Variants in DLGAP1 observed in about 807,000 individuals in gnomAD.
DLGAP1 encodes the protein DLG associated protein 1, also known as disks large-associated protein 1.
A neutral mutation model predicts 90.8 loss-of-function variants in DLGAP1; 11 were observed. That is an observed-to-expected ratio of 0.12 (90% CI 0.08 to 0.20). DLGAP1 has a LOEUF of 0.20. Among genes scored for constraint, DLGAP1 ranks in the 10% least tolerant of loss-of-function variants. The pLI is 1.00. For synonymous variants in DLGAP1, 558 were observed against 540.7 expected (o/e 1.03, Z -0.44); for missense variants, 1,050 against 1,333.8 (o/e 0.79, Z 3.31).
At chr18:3,761,687 T>G (rs1287274127) in intron 5 of DLGAP1, among the ~76,000 whole-genome samples, 1 of 152,130 alleles carries the variant, frequency 6.6e-6, no homozygotes, top group African/African-American at 2.4e-5. Context: ...GCTATTCTCC[T>G]GCTTCAGCCT....
At position 3,780,648 on chromosome 18, in the gene DLGAP1, A is replaced by G. The variant is rs549161154; in HGVS notation, c.1172+33411T>C. On this transcript the variant is annotated intron_variant, in intron 5 of 12. Transcript: ENST00000315677. ...TCAGTTGTTTAGTAACCTTAATTCC[A>G]ACTGGAATCTTAATTCTTCCTTGCC... 4.6e-5 allele frequency among the ~76,000 whole-genome samples: 7 copies of G among 152,260 alleles called. No individual in the cohort carries two copies. The South Asian group carries it at 1.0e-3, about 23-fold the overall frequency.
chr18:4,379,017 G>A (rs2082068682), intron 1 of DLGAP1, among the ~76,000 whole-genome samples: 2 of 152,104 alleles, frequency 1.3e-5, no homozygotes, highest in African/African-American at 4.8e-5. Flanking sequence ...AGGACCAAGG[G>A]TTGATCCTTT....
At chr18:3,503,259 T>C (rs916783161) in intron 11 of DLGAP1, among the ~76,000 whole-genome samples, 1 of 152,208 alleles carries the variant, frequency 6.6e-6, no homozygotes, top group East Asian at 1.9e-4. Flanking sequence ...ATTCATTCAT[T>C]TTAAATTGAC....
chr18:4,389,920 C>T (rs1426905617), intron 1 of DLGAP1, among the ~76,000 whole-genome samples: 1 of 152,124 alleles, frequency 6.6e-6, no homozygotes, highest in Non-Finnish European at 1.5e-5. Context: ...ATCTAGATGT[C>T]TATTTCCTTC....
intron 9 of DLGAP1, among the ~76,000 whole-genome samples, chr18:3,558,542 G>C (rs895142719): frequency 6.6e-6 from 1 of 152,078 alleles, no homozygotes. Context: ...TAGAATTCAT[G>C]TATTTTGAAA....
At chr18:4,255,194 T>A (rs2078864020) in intron 1 of DLGAP1, among the ~76,000 whole-genome samples, 1 of 152,192 alleles carries the variant, frequency 6.6e-6, no homozygotes, top group African/African-American at 2.4e-5. Context: ...TCCTTTAGAT[T>A]GCCTTCTGCC....
intron 11 of DLGAP1, among the ~76,000 whole-genome samples, chr18:3,504,588 G>C (rs955402020): frequency 1.7e-4 from 26 of 151,986 alleles, no homozygotes; most frequent in Non-Finnish European, 3.7e-4. Context: ...GTCTCACATT[G>C]TTGCTCAGGC....
At chr18:3,766,471 T>C (rs986068603) in intron 5 of DLGAP1, among the ~76,000 whole-genome samples, 2 of 151,870 alleles carry the variant, frequency 1.3e-5, no homozygotes, top group Non-Finnish European at 2.9e-5. Context: ...CATAAACCAA[T>C]AGACTCAAAC....
At chr18:3,895,587 G>A (rs1169202397) in intron 3 of DLGAP1, among the ~76,000 whole-genome samples, 2 of 152,180 alleles carry the variant, frequency 1.3e-5, no homozygotes, top group African/African-American at 2.4e-5. Context: ...TTTCCTGCTC[G>A]GTAAACAAGA....
rs543980647 is a variant in DLGAP1 at position 3,728,524 on chromosome 18, C to A, written c.1591+611G>T. Among the ~76,000 whole-genome samples, 23 of 152,076 alleles carry A rather than the reference C, an allele frequency of 1.5e-4. No homozygotes were observed. In the South Asian group the frequency reaches 4.8e-3, roughly 32 times the overall value. On this transcript the variant is annotated intron_variant, in intron 7 of 12. Transcript: ENST00000315677. ...GTTTAACCACACACACACTTAAATA[C>A]AGTTTAGTGGGAAAAGGAGGTGCTA...
chr18:4,391,145 T>G (rs752714438), intron 1 of DLGAP1, among the ~76,000 whole-genome samples: 1 of 152,328 alleles, frequency 6.6e-6, no homozygotes, highest in East Asian at 1.9e-4. Flanking sequence ...AACAGACATA[T>G]ATATTTCCCA....
intron 2 of DLGAP1, among the ~76,000 whole-genome samples, chr18:4,056,011 C>T (rs549406824): frequency 1.2e-4 from 18 of 151,972 alleles, no homozygotes; most frequent in East Asian, 5.8e-4. Context: ...TGTATATATG[C>T]GGGGAAGGGG....
intron 3 of DLGAP1, among the ~76,000 whole-genome samples, chr18:3,984,984 A>G (rs149858445): frequency 7.4e-4 from 113 of 152,032 alleles, no homozygotes; most frequent in African/African-American, 2.7e-3. Flanking sequence ...GCTATGTCTT[A>G]TTTCCACCCT....
At chr18:3,544,038 T>A (rs998027391) in intron 9 of DLGAP1, among the ~76,000 whole-genome samples, 1 of 152,180 alleles carries the variant, frequency 6.6e-6, no homozygotes, top group Non-Finnish European at 1.5e-5. Flanking sequence ...GAGTGCTGTA[T>A]GTGGCAAAAA....
At chr18:4,194,809 A>G (rs1181223510) in intron 1 of DLGAP1, among the ~76,000 whole-genome samples, 1 of 152,214 alleles carries the variant, frequency 6.6e-6, no homozygotes, top group African/African-American at 2.4e-5. Flanking sequence ...GTAACAAATC[A>G]TAACTGTATA....
chr18:3,699,102 C>T lies in DLGAP1; in HGVS notation c.1591+30033G>A, dbSNP rs534191060. ...TGGGTTAGAACACGCTCCTTTTGCT[C>T]GGAGGAGTTTGTTATTACCCAACTT... On this transcript the variant is annotated intron_variant, in intron 7 of 12. Transcript: ENST00000315677. Among the ~76,000 whole-genome samples, 43 of 152,114 alleles carry T rather than the reference C, an allele frequency of 2.8e-4. No individual in the cohort carries two copies. In the Middle Eastern group the frequency reaches 0.014, roughly 48 times the overall value.
At chr18:4,250,703 A>G (rs2078761177) in intron 1 of DLGAP1, among the ~76,000 whole-genome samples, 1 of 152,194 alleles carries the variant, frequency 6.6e-6, no homozygotes, top group East Asian at 1.9e-4. Context: ...TCTATGCATT[A>G]ACTTTCCACT....
At chr18:3,746,293 T>C (rs532888247) in intron 5 of DLGAP1, among the ~76,000 whole-genome samples, 1 of 152,100 alleles carries the variant, frequency 6.6e-6, no homozygotes, top group Admixed American at 6.5e-5. Flanking sequence ...TCAATTTCTA[T>C]ACTTAAACAA....
At chr18:3,661,863 T>A (rs2059695978) in intron 7 of DLGAP1, among the ~76,000 whole-genome samples, 1 of 151,910 alleles carries the variant, frequency 6.6e-6, no homozygotes, top group Non-Finnish European at 1.5e-5. Context: ...ATTACAGGAG[T>A]TAGCCACTGC....
Sources: allele counts gnomAD v4.1 joint callset (sites outside exome capture counted in the v4.1 genomes callset), GRCh38; gene constraint gnomAD v4.1.1; transcripts MANE v1.5; gene names NCBI Gene and HGNC (gene_info 2026-07-23, HGNC 2026-07-21).